Variants in TSPEAR observed in about 807,000 individuals in gnomAD.
TSPEAR encodes thrombospondin type laminin G domain and EAR repeats.
A neutral mutation model predicts 71.6 loss-of-function variants in TSPEAR; 69 were observed. That is an observed-to-expected ratio of 0.96 (90% CI 0.79 to 1.18). TSPEAR has a LOEUF of 1.18. Among genes scored for constraint, TSPEAR ranks in the 50% most tolerant of loss-of-function variants. The pLI, the probability that TSPEAR is intolerant of heterozygous loss-of-function variation, is 0.00. For synonymous variants in TSPEAR, 402 were observed against 387.2 expected, an observed-to-expected ratio of 1.04 and a Z score of -0.45; for missense variants, 971 against 894.9, an observed-to-expected ratio of 1.09 and a Z score of -1.09.
intron 9 of TSPEAR, chr21:44,517,601 C>G: frequency 2.7e-6 from 1 of 374,466 alleles, no homozygotes. Flanking sequence ...AGGTCAGCCC[C>G]TTCCTGCTGC....
chr21:44,526,316 G>A (rs782665887), intron 7 of TSPEAR, among the ~76,000 whole-genome samples: 33 of 152,308 alleles, frequency 2.2e-4, no homozygotes, highest in African/African-American at 7.2e-4. Flanking sequence ...AGAATGAGGG[G>A]CAAGGTGCAT....
At chr21:44,610,396 C>T (rs1378423782) in intron 1 of TSPEAR, among the ~76,000 whole-genome samples, 1 of 152,212 alleles carries the variant, frequency 6.6e-6, no homozygotes, top group Non-Finnish European at 1.5e-5. Flanking sequence ...CAGACTGTGG[C>T]TTCAGAGGGT....
chr21:44,543,771 T>A (rs2053259083), intron 2 of TSPEAR, among the ~76,000 whole-genome samples: 1 of 152,226 alleles, frequency 6.6e-6, no homozygotes, highest in East Asian at 1.9e-4. Context: ...ATATTCTCCC[T>A]TGGAGCTCGG....
intron 1 of TSPEAR, among the ~76,000 whole-genome samples, chr21:44,631,379 A>C (rs1555935692): frequency 6.6e-6 from 1 of 152,172 alleles, no homozygotes; most frequent in African/African-American, 2.4e-5. Context: ...AAATTAGAGA[A>C]CAGGTAGATA....
chr21:44,589,402 T>C (rs1979598181), intron 1 of TSPEAR, among the ~76,000 whole-genome samples: 1 of 152,206 alleles, frequency 6.6e-6, no homozygotes, highest in African/African-American at 2.4e-5. Context: ...AGTCATGCTG[T>C]GTACATGGGT....
In TSPEAR at chr21:44,549,829, G is replaced by A. The variant is rs587663169; in HGVS notation, c.304-15906C>T. Among the ~76,000 whole-genome samples the A allele has an allele frequency of 1.4e-3, 218 of 152,316 alleles. 1 individual carries two copies. The highest frequency in any genetic ancestry group is 4.6e-3 in the African/African-American group (192 of 41,572). The stretch of plus-strand genomic sequence containing the variant: ...CCTCCGCCCACCCAGCCCAGCACAC[G>A]GAGCTCTGGAGGCCGCGTCTCTGTT... On this transcript the variant is annotated intron_variant, in intron 2 of 11. Coordinates refer to ENST00000323084, the MANE Select transcript of TSPEAR (RefSeq NM_144991.3).
At chr21:44,627,267 C>T (rs372942986) in intron 1 of TSPEAR, 89 of 1,612,664 alleles carry the variant, frequency 5.5e-5, no homozygotes, top group East Asian at 2.0e-4. Context: ...CCCCCTGCTG[C>T]GCCACCAGCT....
At chr21:44,704,581 T>C (rs2838651) in intron 1 of TSPEAR, among the ~76,000 whole-genome samples, 136,298 of 152,278 alleles carry the variant, frequency 0.9, 61,317 homozygotes, top group Middle Eastern at 0.92. Context: ...TTACCCAGAT[T>C]GTTCAACACC....
chr21:44,549,922 T>G (rs233235), intron 2 of TSPEAR, among the ~76,000 whole-genome samples: 29,082 of 152,246 alleles, frequency 0.19, 2,930 homozygotes, highest in East Asian at 0.36. Flanking sequence ...TATGTGAGTG[T>G]GCGCAGGAGG....
intron 1 of TSPEAR, among the ~76,000 whole-genome samples, chr21:44,626,321 C>T (rs587639578): frequency 1.1e-4 from 17 of 152,298 alleles, no homozygotes; most frequent in Non-Finnish European, 2.2e-4. Context: ...ATCATGCAGC[C>T]GTGAGAGTTG....
At chr21:44,674,469 C>A (rs2054941613) in intron 1 of TSPEAR, among the ~76,000 whole-genome samples, 1 of 152,148 alleles carries the variant, frequency 6.6e-6, no homozygotes, top group Admixed American at 6.6e-5. Flanking sequence ...GTAATCCTAG[C>A]ACTTTGGGAG....
chr21:44,581,802 G>A (rs1284280419), intron 1 of TSPEAR, among the ~76,000 whole-genome samples: 4 of 152,062 alleles, frequency 2.6e-5, no homozygotes, highest in Admixed American at 1.3e-4. Context: ...TTTTCCCCTC[G>A]TTTCACTGGA....
intron 1 of TSPEAR, chr21:44,675,809 A>G (rs1168138008): frequency 1.7e-6 from 1 of 574,708 alleles, no homozygotes; most frequent in African/African-American, 1.9e-5. Context: ...CAAACCCTTC[A>G]TGTATCACTG....
intron 1 of TSPEAR, among the ~76,000 whole-genome samples, chr21:44,652,275 A>T (rs113853641): frequency 0.17 from 26,203 of 152,112 alleles, 2,348 homozygotes; most frequent in Non-Finnish European, 0.2. Context: ...GAGCCACCGC[A>T]CCGGGCCCCA....
intron 1 of TSPEAR, chr21:44,580,327 G>T: frequency 4.3e-6 from 7 of 1,614,124 alleles, no homozygotes; most frequent in Non-Finnish European, 5.9e-6. Flanking sequence ...AGGCCTGCTG[G>T]CAGGGGGAGG....
chr21:44,542,527 T>C (rs1337780746), intron 2 of TSPEAR, among the ~76,000 whole-genome samples: 2 of 152,026 alleles, frequency 1.3e-5, no homozygotes, highest in African/African-American at 4.8e-5. Flanking sequence ...GTGGTCAAAC[T>C]GCTTGAGCTT....
chr21:44,613,078 G>T (rs1981829673), intron 1 of TSPEAR: 2 of 772,374 alleles, frequency 2.6e-6, no homozygotes, highest in East Asian at 2.7e-5. Flanking sequence ...CCTTCCAGCA[G>T]GTGCCCACCT....
chr21:44,685,588 T>G (rs1370922643), intron 1 of TSPEAR, among the ~76,000 whole-genome samples: 1 of 152,128 alleles, frequency 6.6e-6, no homozygotes, highest in Non-Finnish European at 1.5e-5. Context: ...AAGTGGGCAC[T>G]TCTGAGGTGT....
intron 9 of TSPEAR, among the ~76,000 whole-genome samples, chr21:44,513,425 A>T (rs2052457816): frequency 6.6e-6 from 1 of 152,194 alleles, no homozygotes; most frequent in Non-Finnish European, 1.5e-5. Flanking sequence ...GGAGAGAGAA[A>T]GAATCTTCAC....
Sources: allele counts gnomAD v4.1 joint callset (sites outside exome capture counted in the v4.1 genomes callset), GRCh38; gene constraint gnomAD v4.1.1; transcripts MANE v1.5; gene names NCBI Gene and HGNC (gene_info 2026-07-23, HGNC 2026-07-21).